The following HDAC9 variants were observed in gnomAD, a reference collection of about 807,000 sequenced individuals.
HDAC9 encodes histone deacetylase 9.
A neutral mutation model predicts 139.4 loss-of-function variants in HDAC9; 41 were observed. The ratio of observed to expected loss-of-function variants is 0.29; its 90% confidence interval spans 0.23 to 0.38. The LOEUF is 0.38. Among genes scored for constraint, HDAC9 ranks in the 10% least tolerant of loss-of-function variants. The pLI is 1.00. For synonymous variants in HDAC9, 517 were observed against 476.2 expected (o/e 1.09, Z -1.12); for missense variants, 1,147 against 1,297.0 (o/e 0.88, Z 1.78).
At chr7:18,960,448 A>C (rs1329064487) in intron 24 of HDAC9, among the ~76,000 whole-genome samples, 2 of 152,012 alleles carry the variant, frequency 1.3e-5, no homozygotes, top group Non-Finnish European at 2.9e-5. Context: ...TAATATTATT[A>C]TATCTGTAGT....
intron 12 of HDAC9, among the ~76,000 whole-genome samples, chr7:18,715,203 T>C (rs1031179733): frequency 6.6e-6 from 1 of 151,974 alleles, no homozygotes; most frequent in African/African-American, 2.4e-5. Context: ...AGTTGAGCTG[T>C]GTGCTTCCTC....
At chr7:18,965,069 C>A (rs2129330987) in intron 24 of HDAC9, among the ~76,000 whole-genome samples, 1 of 152,262 alleles carries the variant, frequency 6.6e-6, no homozygotes, top group South Asian at 2.1e-4. Flanking sequence ...GCAGTTTATT[C>A]ATAAATAGCT....
intron 2 of HDAC9, among the ~76,000 whole-genome samples, chr7:18,171,935 G>A (rs752347893): frequency 6.6e-6 from 1 of 152,180 alleles, no homozygotes; most frequent in Non-Finnish European, 1.5e-5. Flanking sequence ...ACAGGCTTTG[G>A]TATCAGGATG....
chr7:18,275,426 G>A (rs980834188), intron 2 of HDAC9, among the ~76,000 whole-genome samples: 7 of 152,186 alleles, frequency 4.6e-5, no homozygotes, highest in Admixed American at 3.9e-4. Flanking sequence ...GAATGGTCCT[G>A]TTAAGTATGA....
intron 17 of HDAC9, among the ~76,000 whole-genome samples, chr7:18,828,822 A>C (rs1171901211): frequency 6.6e-6 from 1 of 152,172 alleles, no homozygotes; most frequent in Non-Finnish European, 1.5e-5. Context: ...CCTCTGTAGG[A>C]TGTTGATGTC....
intron 23 of HDAC9, among the ~76,000 whole-genome samples, chr7:18,943,556 G>A (rs539620650): frequency 2.6e-5 from 4 of 152,060 alleles, no homozygotes; most frequent in South Asian, 2.1e-4. Flanking sequence ...ATGGAACAGA[G>A]GCATCTTCTC....
intron 2 of HDAC9, among the ~76,000 whole-genome samples, chr7:18,530,576 T>G (rs548107886): frequency 6.6e-6 from 1 of 152,094 alleles, no homozygotes; most frequent in Non-Finnish European, 1.5e-5. Context: ...AGAAACTTGT[T>G]GAGAAGTCTC....
At position 18,862,738 on chromosome 7, in the gene HDAC9, T is replaced by C. The variant is rs1294333136; in HGVS notation, c.2685-11740T>C. Among the ~76,000 whole-genome samples the C allele has an allele frequency of 4.6e-5, 7 of 152,138 alleles. No individual in the cohort carries two copies. The East Asian group carries it at 1.3e-3, about 29-fold the overall frequency. On this transcript the variant is annotated intron_variant, in intron 21 of 25. Transcript: ENST00000686413. ...GTAAAAATACAGAAAAAAACCTAGC[T>C]AGCTTAGAAGCATATCTAAATCAAT...
intron 13 of HDAC9, among the ~76,000 whole-genome samples, chr7:18,731,659 C>T (rs1475713201): frequency 6.6e-6 from 1 of 152,072 alleles, no homozygotes; most frequent in African/African-American, 2.4e-5. Flanking sequence ...GAGTTTTGCT[C>T]TTGTTGCCTA....
intron 17 of HDAC9, among the ~76,000 whole-genome samples, chr7:18,828,064 C>G (rs926930851): frequency 1.3e-5 from 2 of 151,828 alleles, no homozygotes; most frequent in Non-Finnish European, 2.9e-5. Flanking sequence ...TATATATATT[C>G]AACAAAATAT....
intron 2 of HDAC9, among the ~76,000 whole-genome samples, chr7:18,537,279 C>T (rs1045283984): frequency 1.3e-5 from 2 of 152,026 alleles, no homozygotes; most frequent in African/African-American, 4.8e-5. Flanking sequence ...TATCTGTTAT[C>T]GTTGTTGTTT....
rs1585535863 is a variant in HDAC9, at chr7:19,000,385, C to T, written c.*4323C>T. On this transcript the variant is annotated 3_prime_UTR_variant, in exon 26 of 26. Coordinates refer to ENST00000686413, the MANE Select transcript of HDAC9 (RefSeq NM_178425.4). Reference sequence around the variant, plus strand: ...GTCCTTGCCTCCTTGCTTGCTTTTACTCCATGAAACGCTTCATGAAGCAGA... The same window carrying T: ...GTCCTTGCCTCCTTGCTTGCTTTTATTCCATGAAACGCTTCATGAAGCAGA... 1 of 152,180 alleles carries T rather than the reference C, an allele frequency of 6.6e-6. No homozygotes were observed. Among genetic ancestry groups the T allele is most frequent in the Admixed American group, 6.5e-5 (1 of 15,280 alleles). The allele number at this position is 152,180 out of a possible 1,614,324, so 9.4% of individuals were successfully genotyped here.
In HDAC9 at chr7:18,954,234, T is replaced by C. The variant is rs914484819; in HGVS notation, c.3022+4T>C. 6.9e-7 allele frequency: 1 copy of C among 1,458,440 alleles called. No homozygotes were observed. The highest frequency in any genetic ancestry group is 9.5e-7 in the Non-Finnish European group (1 of 1,058,052). The allele number at this position is 1,458,440 out of a possible 1,614,324, so 90.3% of individuals were successfully genotyped here. A position where few individuals can be genotyped will look rare whatever the true frequency, so the allele number is the denominator to read the frequency against. On this transcript the variant is annotated splice_donor_region_variant and intron_variant, in intron 24 of 25. Transcript: ENST00000686413. ...CAGAAGATCATTGAAATTCAAAGTA[T>C]GTCTTTAAAGTTCTCTTAAAAATTC...
chr7:18,982,266 A>G (rs1016865839), intron 25 of HDAC9, among the ~76,000 whole-genome samples: 1 of 152,090 alleles, frequency 6.6e-6, no homozygotes, highest in Admixed American at 6.6e-5. Context: ...AATCCATTTT[A>G]TACACCTCAA....
intron 2 of HDAC9, among the ~76,000 whole-genome samples, chr7:18,274,663 G>A (rs1335716534): frequency 6.6e-6 from 1 of 152,146 alleles, no homozygotes; most frequent in Non-Finnish European, 1.5e-5. Context: ...ATATTTTTAT[G>A]CAATGGAATA....
At chr7:18,811,834 G>T (rs1213028291) in intron 17 of HDAC9, among the ~76,000 whole-genome samples, 2 of 151,308 alleles carry the variant, frequency 1.3e-5, no homozygotes, top group African/African-American at 4.8e-5. Flanking sequence ...GAGAGGAGGG[G>T]AGAGTAAAGG....
chr7:18,837,273 C>T (rs1417317367), intron 21 of HDAC9, among the ~76,000 whole-genome samples: 5 of 151,460 alleles, frequency 3.3e-5, no homozygotes, highest in Admixed American at 6.6e-5. Context: ...AATTTTCTAC[C>T]GTCAACTTGG....
intron 22 of HDAC9, among the ~76,000 whole-genome samples, chr7:18,877,652 A>G (rs555110903): frequency 6.6e-6 from 1 of 152,316 alleles, no homozygotes; most frequent in South Asian, 2.1e-4. Context: ...TGAAAGGAAA[A>G]GAGAAATGAA....
In HDAC9 at chr7:18,999,229, C is replaced by G. The variant is rs1194861897; in HGVS notation, c.*3167C>G. On this transcript the variant is annotated 3_prime_UTR_variant, in exon 26 of 26. Transcript: ENST00000686413. ...CAGCCCTATACGACACTCTCACTAA[C>G]CTTTCACTGACAACATCATGGCCTT... 6.6e-6 allele frequency: 1 copy of G among 152,218 alleles called. No homozygotes were observed. Among genetic ancestry groups the G allele is most frequent in the Non-Finnish European group, 1.5e-5 (1 of 68,060 alleles). The allele number at this position is 152,218 out of a possible 1,614,324, so 9.4% of individuals were successfully genotyped here. A position where few individuals can be genotyped will look rare whatever the true frequency, so the allele number is the denominator to read the frequency against.
Sources: allele counts gnomAD v4.1 joint callset (sites outside exome capture counted in the v4.1 genomes callset), GRCh38; gene constraint gnomAD v4.1.1; transcripts MANE v1.5; gene names NCBI Gene and HGNC (gene_info 2026-07-23, HGNC 2026-07-21).